CEP85L: variants seen among roughly 807,000 people sequenced by gnomAD.
CEP85L encodes the protein centrosomal protein 85L.
Under a neutral mutation model 100.3 loss-of-function variants are expected in CEP85L, and 60 were observed. That is an observed-to-expected ratio of 0.60 (90% CI 0.49 to 0.74). The LOEUF (loss-of-function observed/expected upper bound fraction) is 0.74. CEP85L is among the 30% of genes least tolerant of loss of function. The pLI, the probability that CEP85L is intolerant of heterozygous loss-of-function variation, is 0.00. For missense variants in CEP85L, 973 were observed against 936.2 expected (o/e 1.04, Z -0.51); for synonymous variants, 319 against 322.7 (o/e 0.99, Z 0.12).
chr6:118,610,714 T>C (rs995187910), intron 2 of CEP85L, among the ~76,000 whole-genome samples: 1 of 151,662 alleles, frequency 6.6e-6, no homozygotes, highest in African/African-American at 2.4e-5. Flanking sequence ...GAAAGGCACA[T>C]GATAATTGAA....
At chr6:118,546,898 A>G (rs1015390680) in intron 3 of CEP85L, among the ~76,000 whole-genome samples, 2 of 152,096 alleles carry the variant, frequency 1.3e-5, no homozygotes, top group South Asian at 4.1e-4. Context: ...TCCCTTGGCA[A>G]TGTTCACAGG....
intron 2 of CEP85L, among the ~76,000 whole-genome samples, chr6:118,624,001 C>T (rs909721701): frequency 1.3e-5 from 2 of 152,044 alleles, no homozygotes; most frequent in African/African-American, 4.8e-5. Flanking sequence ...TCACCACACC[C>T]GAGTTAAACC....
intron 2 of CEP85L, among the ~76,000 whole-genome samples, chr6:118,574,232 C>T (rs1293282236): frequency 6.6e-6 from 1 of 152,214 alleles, no homozygotes; most frequent in Non-Finnish European, 1.5e-5. Flanking sequence ...ATCTCCTCCT[C>T]CCCTCCTCTC....
Position 118,600,297 on chromosome 6 carries a change from GGGGGTGTGTGTGT to G in CEP85L, c.232+32143_232+32155del, listed in dbSNP as rs1781670797. ...GTACTGCCTGTCCCTGAGCCTTCCTGGGGGTGTGTGTGTGTGTGTGTGTGTGTGTGTGTGTGTG... is the reference window on the plus strand; with the variant it reads ...GTACTGCCTGTCCCTGAGCCTTCCTGGTGTGTGTGTGTGTGTGTGTGTGTG... On this transcript the variant is annotated intron_variant, in intron 2 of 12. Transcript: ENST00000368491. Among the ~76,000 whole-genome samples the G allele has an allele frequency of 4.4e-4, 27 of 61,294 alleles. 3 individuals are homozygous for G. Among genetic ancestry groups the G allele is most frequent in the African/African-American group, 1.6e-3 (24 of 15,268 alleles). The allele number at this position is 61,294 out of a possible 152,430, so 40.2% of individuals were successfully genotyped here.
chr6:118,486,649 T>C (rs1774207791), intron 6 of CEP85L, among the ~76,000 whole-genome samples: 2 of 152,182 alleles, frequency 1.3e-5, no homozygotes, highest in South Asian at 2.1e-4. Flanking sequence ...GTCATCTCCA[T>C]GTGCTCTGAC....
intron 2 of CEP85L, among the ~76,000 whole-genome samples, chr6:118,620,900 T>G (rs1773396283): frequency 1.3e-5 from 2 of 152,062 alleles, no homozygotes; most frequent in Non-Finnish European, 2.9e-5. Context: ...ACACCCTTAT[T>G]AAGGAGGGAC....
At chr6:118,578,171 C>G (rs1780352479) in intron 2 of CEP85L, among the ~76,000 whole-genome samples, 1 of 152,132 alleles carries the variant, frequency 6.6e-6, no homozygotes, top group African/African-American at 2.4e-5. Context: ...GCACTTGTTC[C>G]TCAGCTTAAT....
At chr6:118,689,944 G>T (rs1195532979) in intron 1 of CEP85L, among the ~76,000 whole-genome samples, 4 of 147,876 alleles carry the variant, frequency 2.7e-5, no homozygotes, top group African/African-American at 9.9e-5. Flanking sequence ...AATAGGGCTA[G>T]GGTCCCACTA....
intron 1 of CEP85L, among the ~76,000 whole-genome samples, chr6:118,705,509 A>G (rs923962085): frequency 2.6e-5 from 4 of 152,222 alleles, no homozygotes; most frequent in African/African-American, 9.6e-5. Context: ...CTCCCTAGTA[A>G]AAGGTTTCCA....
intron 4 of CEP85L, among the ~76,000 whole-genome samples, chr6:118,514,524 CAAAAAAAAAAA>C (rs561316113): frequency 1.1e-5 from 1 of 87,576 alleles, no homozygotes; most frequent in African/African-American, 4.4e-5. Context: ...GACACTGTCT[CAAAAAAAAAAA>C]AAAAAAAAGA....
At chr6:118,483,639 C>G in intron 7 of CEP85L, 67 bp downstream of exon 7, 6 of 1,484,660 alleles carry the variant, frequency 4.0e-6, no homozygotes, top group African/African-American at 1.4e-5. Flanking sequence ...TATAGTTAGC[C>G]AAATTTCTAG....
chr6:118,517,027 C>T (rs181147638), intron 4 of CEP85L, among the ~76,000 whole-genome samples: 4 of 151,464 alleles, frequency 2.6e-5, no homozygotes, highest in East Asian at 3.9e-4. Flanking sequence ...TGCTTGTTTT[C>T]ATCAGGTTTG....
At position 118,542,923 on chromosome 6, in the gene CEP85L, A is replaced by AAAAAAAAAAAAAAAC. The variant is rs1554216838; in HGVS notation, c.1021-19004_1021-19003insGTTTTTTTTTTTTTT. Among the ~76,000 whole-genome samples the AAAAAAAAAAAAAAAC allele has an allele frequency of 2.1e-3, 299 of 143,974 alleles. 6 individuals are homozygous for AAAAAAAAAAAAAAAC. The highest frequency in any genetic ancestry group is 3.9e-3 in the Non-Finnish European group (250 of 64,600). The allele number at this position is 143,974 out of a possible 152,430, so 94.5% of individuals were successfully genotyped here. A position where few individuals can be genotyped will look rare whatever the true frequency, so the allele number is the denominator to read the frequency against. On this transcript the variant is annotated intron_variant, in intron 3 of 12. Coordinates refer to ENST00000368491, the MANE Select transcript of CEP85L (RefSeq NM_001042475.3). ...CCCAAAAAAAAAAAAAAAAAAAAAA[A>AAAAAAAAAAAAAAAC]CAGGATATTCACAGCAACCAATCAG...
At chr6:118,542,285 G>T (rs1178986469) in intron 3 of CEP85L, among the ~76,000 whole-genome samples, 1 of 152,010 alleles carries the variant, frequency 6.6e-6, no homozygotes, top group Non-Finnish European at 1.5e-5. Context: ...AATGTTTTAG[G>T]GTTTTTTAGA....
At chr6:118,599,717 T>C (rs965623872) in intron 2 of CEP85L, among the ~76,000 whole-genome samples, 8 of 151,670 alleles carry the variant, frequency 5.3e-5, no homozygotes, top group Non-Finnish European at 1.0e-4. Flanking sequence ...TGTCGAATTA[T>C]TATTATGTAC....
chr6:118,617,462 G>T (rs1298119828), intron 2 of CEP85L, among the ~76,000 whole-genome samples: 1 of 152,288 alleles, frequency 6.6e-6, no homozygotes. Flanking sequence ...CAGCTGCAAG[G>T]CCATAAATCA....
At chr6:118,687,994 C>T (rs190472411) in intron 1 of CEP85L, among the ~76,000 whole-genome samples, 7 of 152,276 alleles carry the variant, frequency 4.6e-5, no homozygotes, top group South Asian at 2.1e-4. Flanking sequence ...TAACACTCAC[C>T]GCATGGCCCA....
intron 1 of CEP85L, among the ~76,000 whole-genome samples, chr6:118,684,182 C>A (rs550641576): frequency 1.9e-4 from 29 of 152,266 alleles, no homozygotes; most frequent in Middle Eastern, 3.4e-3. Context: ...CCCTTTCTGG[C>A]GAGATAACTC....
intron 1 of CEP85L, among the ~76,000 whole-genome samples, chr6:118,694,717 C>T (rs1777150806): frequency 6.6e-6 from 1 of 152,112 alleles, no homozygotes; most frequent in Non-Finnish European, 1.5e-5. Context: ...CATAAATATG[C>T]CTTGGAGAGT....
Sources: allele counts gnomAD v4.1 joint callset (sites outside exome capture counted in the v4.1 genomes callset), GRCh38; gene constraint gnomAD v4.1.1; transcripts MANE v1.5; gene names NCBI Gene and HGNC (gene_info 2026-07-23, HGNC 2026-07-21).